The following ABTB2 variants were observed in gnomAD, a reference collection of about 807,000 sequenced individuals.
ABTB2 encodes the protein ankyrin repeat and BTB domain containing 2.
ABTB2 carries 56 observed loss-of-function variants against 104.1 expected under a neutral mutation model. That is an observed-to-expected ratio of 0.54 (90% confidence interval 0.43 to 0.67). The LOEUF is 0.67. Ranked by LOEUF, ABTB2 falls within the 30% of genes least tolerant of loss-of-function variation. The pLI, the probability that ABTB2 is intolerant of heterozygous loss-of-function variation, is 0.00. For missense variants in ABTB2, 1,279 were observed against 1,407.7 expected, an observed-to-expected ratio of 0.91 and a Z score of 1.46; for synonymous variants, 606 against 608.2, an observed-to-expected ratio of 1.00 and a Z score of 0.05.
At chr11:34,160,820 G>T in intron 11 of ABTB2, 83 bp downstream of exon 11, 1 of 1,441,836 alleles carries the variant, frequency 6.9e-7, no homozygotes, top group Non-Finnish European at 9.4e-7. Flanking sequence ...GTCTGTCCAC[G>T]TGTCTGCCTG....
At chr11:34,222,389 T>C (rs532616752) in intron 1 of ABTB2, among the ~76,000 whole-genome samples, 7 of 152,278 alleles carry the variant, frequency 4.6e-5, no homozygotes, top group Non-Finnish European at 8.8e-5. Context: ...GAACTAGTCT[T>C]TCAGGTTAAA....
chr11:34,288,771 A>G (rs1418932678), intron 1 of ABTB2, among the ~76,000 whole-genome samples: 1 of 152,064 alleles, frequency 6.6e-6, no homozygotes, highest in East Asian at 1.9e-4. Flanking sequence ...CTGGGTGCAC[A>G]AGGAAGGTAT....
intron 1 of ABTB2, among the ~76,000 whole-genome samples, chr11:34,296,936 C>A (rs1000029253): frequency 6.6e-6 from 1 of 152,208 alleles, no homozygotes; most frequent in African/African-American, 2.4e-5. Context: ...AAAGGCCCAA[C>A]TTCTGCACAG....
chr11:34,179,650 G>A (rs1338118024), intron 3 of ABTB2, among the ~76,000 whole-genome samples: 1 of 152,200 alleles, frequency 6.6e-6, no homozygotes, highest in African/African-American at 2.4e-5. Flanking sequence ...TGGGCAGATC[G>A]TCATCCTCTG....
intron 3 of ABTB2, among the ~76,000 whole-genome samples, chr11:34,177,917 G>C (rs1852976689): frequency 6.6e-6 from 1 of 152,086 alleles, no homozygotes; most frequent in South Asian, 2.1e-4. Context: ...CTCCAGAGGT[G>C]TTGTTCAAAC....
In ABTB2 at chr11:34,356,794, C is replaced by T; in HGVS notation, c.790G>A (p.Ala264Thr). 1.2e-6 allele frequency: 2 copies of T among 1,609,762 alleles called. No individual in the cohort carries two copies. The highest frequency in any genetic ancestry group is 1.1e-5 in the South Asian group (1 of 90,130). ...TTGATGACCATCTCCAGGGCCTCAGCAGACACCTCCCCGCCTCCGGCCCCT... is the reference window on the plus strand; with the variant it reads ...TTGATGACCATCTCCAGGGCCTCAGTAGACACCTCCCCGCCTCCGGCCCCT... ...GGGAGGGEVS[A>T]EALEMVINND... Residue 264 changes from alanine (A) to threonine (T), a missense_variant, in exon 1 of 17, where the codon GCT becomes ACT. By Grantham distance (58) the Ala-to-Thr change is moderately conservative (BLOSUM62 0). Coordinates refer to ENST00000435224, the MANE Select transcript of ABTB2 (RefSeq NM_145804.3). The surrounding 1 kb of genome is among the most constrained non-coding windows in gnomAD (Gnocchi z 4.6).
chr11:34,216,121 G>C (rs1442547378), intron 1 of ABTB2, among the ~76,000 whole-genome samples: 2 of 152,224 alleles, frequency 1.3e-5, no homozygotes, highest in Admixed American at 1.3e-4. Flanking sequence ...CAGTCTAGTG[G>C]AGGAGGGAAG....
At chr11:34,195,305 C>T (rs559451127) in intron 3 of ABTB2, among the ~76,000 whole-genome samples, 11 of 152,184 alleles carry the variant, frequency 7.2e-5, no homozygotes, top group Non-Finnish European at 7.4e-5. Flanking sequence ...CTTTTTCCTT[C>T]CCAGCTGACT....
chr11:34,285,913 T>C (rs1854499772), intron 1 of ABTB2, among the ~76,000 whole-genome samples: 1 of 152,226 alleles, frequency 6.6e-6, no homozygotes, highest in South Asian at 2.1e-4. Flanking sequence ...GCCTCTGTCC[T>C]GGGCCTACTT....
In ABTB2 at chr11:34,197,530, C is replaced by T; in HGVS notation, c.1039G>A (p.Val347Ile). The T allele has an allele frequency of 1.9e-6, 3 of 1,577,024 alleles. No homozygotes were observed. The highest frequency in any genetic ancestry group is 2.3e-5 in the South Asian group (2 of 87,584). The change falls in exon 3 of 17, where the codon GTC (valine) becomes ATC (isoleucine). Residue 347 changes from valine to isoleucine, a missense_variant. Physicochemically the swap from Val to Ile is conservative, Grantham distance 29. Transcript: ENST00000435224. ...TGCATGTGGTGCATGGCACGGGAGA[C>T]CAAGTCACCTGGTGGGGGGCGGGGA... is the stretch of plus-strand genomic sequence containing the variant. ...VGSISELSDLVSRAMHHMQGR... is the reference protein window; with the variant it reads ...VGSISELSDLISRAMHHMQGR...
intron 1 of ABTB2, among the ~76,000 whole-genome samples, chr11:34,223,769 C>T (rs1418230276): frequency 6.6e-6 from 1 of 152,244 alleles, no homozygotes; most frequent in East Asian, 1.9e-4. Context: ...ACTATGTTGC[C>T]TCCAGTGAGA....
intron 3 of ABTB2, among the ~76,000 whole-genome samples, chr11:34,195,075 C>CCGGGG (rs1554982287): frequency 4.4e-4 from 8 of 18,076 alleles, no homozygotes; most frequent in African/African-American, 5.6e-4. Flanking sequence ...AGATGCCCGG[C>CCGGGG]GGGGGGGGGG....
chr11:34,216,347 G>A (rs1853548570), intron 1 of ABTB2, among the ~76,000 whole-genome samples: 1 of 152,020 alleles, frequency 6.6e-6, no homozygotes, highest in African/African-American at 2.4e-5. Context: ...CCCAACCCCT[G>A]GCAACCACTG....
At chr11:34,332,888 A>G (rs1855148823) in intron 1 of ABTB2, among the ~76,000 whole-genome samples, 2 of 151,990 alleles carry the variant, frequency 1.3e-5, no homozygotes, top group South Asian at 4.1e-4. Context: ...GTCACAGGAC[A>G]TGGAAGGAAA....
chr11:34,307,710 T>A (rs2133102958), intron 1 of ABTB2, among the ~76,000 whole-genome samples: 1 of 152,196 alleles, frequency 6.6e-6, no homozygotes, highest in African/African-American at 2.4e-5. Flanking sequence ...TGTTTTTTTT[T>A]TTTTTTGAGA....
intron 9 of ABTB2, among the ~76,000 whole-genome samples, chr11:34,163,672 A>C (rs925809402): frequency 3.3e-5 from 5 of 152,304 alleles, no homozygotes; most frequent in Middle Eastern, 3.4e-3. Flanking sequence ...CATGGCCTGG[A>C]GGTGCCCTTC....
Position 34,324,934 on chromosome 11 carries a change from G to A in ABTB2, c.883+31767C>T, listed in dbSNP as rs77732161. Among the ~76,000 whole-genome samples the A allele has an allele frequency of 1.6e-3, 243 of 152,298 alleles. 4 individuals carry two copies. The East Asian group carries it at 0.024, about 15-fold the overall frequency. On this transcript the variant is annotated intron_variant, in intron 1 of 16. Transcript: ENST00000435224. ...ACCTCAGAGTCCACATCTGAAAAGTGCACTGATTCGGTCACAGTTAGAGTG... is the reference window on the plus strand; with the variant it reads ...ACCTCAGAGTCCACATCTGAAAAGTACACTGATTCGGTCACAGTTAGAGTG...
intron 1 of ABTB2, among the ~76,000 whole-genome samples, chr11:34,271,796 A>G (rs1238120739): frequency 6.6e-6 from 1 of 152,112 alleles, no homozygotes; most frequent in African/African-American, 2.4e-5. Context: ...TTGCCTTTGG[A>G]ACCATGGAAG....
At chr11:34,217,017 T>G (rs1023082751) in intron 1 of ABTB2, among the ~76,000 whole-genome samples, 1 of 152,210 alleles carries the variant, frequency 6.6e-6, no homozygotes, top group Non-Finnish European at 1.5e-5. Flanking sequence ...ATCCTAGAAA[T>G]TTCTGCACGA....
Sources: allele counts gnomAD v4.1 joint callset (sites outside exome capture counted in the v4.1 genomes callset), GRCh38; gene constraint gnomAD v4.1.1; non-coding constraint Gnocchi (gnomAD v3.1); transcripts MANE v1.5; gene names NCBI Gene and HGNC (gene_info 2026-07-23, HGNC 2026-07-21).